The following CADM2 variants were observed in gnomAD, a reference collection of about 807,000 sequenced individuals.
The protein encoded by CADM2 is immunoglobulin superfamily member 4D.
CADM2 carries 12 observed loss-of-function variants against 49.8 expected under a neutral mutation model. That is an observed-to-expected ratio of 0.24 (90% CI 0.15 to 0.39). The LOEUF is 0.39. CADM2 is among the 10% of genes least tolerant of loss of function. The probability of loss-of-function intolerance (pLI) is 1.00; values close to 1 mark genes in which losing one functional copy is unlikely to be tolerated. For synonymous variants in CADM2, 214 were observed against 175.4 expected (o/e 1.22, Z -1.74); for missense variants, 378 against 492.3 (o/e 0.77, Z 2.20).
chr3:85,935,380 G>T (rs1356716563), intron 6 of CADM2, among the ~76,000 whole-genome samples: 1 of 152,022 alleles, frequency 6.6e-6, no homozygotes, highest in African/African-American at 2.4e-5. Context: ...AACAATGAAA[G>T]TGTTGTTATT....
chr3:85,236,544 T>G (rs139852953), intron 1 of CADM2, among the ~76,000 whole-genome samples: 2 of 152,230 alleles, frequency 1.3e-5, no homozygotes, highest in African/African-American at 4.8e-5. Flanking sequence ...ATATAGTTAT[T>G]TGCCATTTAA....
intron 1 of CADM2, among the ~76,000 whole-genome samples, chr3:85,651,393 G>C (rs1427851434): frequency 2.0e-5 from 3 of 152,068 alleles, no homozygotes; most frequent in East Asian, 3.9e-4. Context: ...AGTTTTTCCA[G>C]CTCCTAAGGA....
chr3:85,935,086 T>G (rs2108537331), intron 6 of CADM2, among the ~76,000 whole-genome samples: 1 of 152,234 alleles, frequency 6.6e-6, no homozygotes, highest in South Asian at 2.1e-4. Flanking sequence ...TATAAATGTC[T>G]TGAAGTATTC....
At chr3:85,007,529 T>G (rs993101403) in intron 1 of CADM2, among the ~76,000 whole-genome samples, 6 of 152,132 alleles carry the variant, frequency 3.9e-5, no homozygotes. Context: ...AATTTAATTG[T>G]GATAGTAATA....
intron 2 of CADM2, among the ~76,000 whole-genome samples, chr3:85,748,533 G>A (rs914953716): frequency 7.2e-5 from 11 of 152,000 alleles, no homozygotes; most frequent in Admixed American, 6.6e-5. Context: ...TAATGTCAGG[G>A]CCCTAGATGC....
Position 85,936,277 on chromosome 3 carries a change from G to A in CADM2, c.791+420G>A, listed in dbSNP as rs567977853. On this transcript the variant is annotated intron_variant, in intron 7 of 9. Transcript: ENST00000383699. ...GACTCATTTTCATAAAAGGAAAATC[G>A]AATCTATATTTCTTATGAAACACCC... 9.2e-5 allele frequency among the ~76,000 whole-genome samples: 14 copies of A among 151,796 alleles called. No individual in the cohort carries two copies. The East Asian group carries it at 1.9e-3, about 21-fold the overall frequency.
At chr3:84,987,235 C>T (rs773573789) in intron 1 of CADM2, among the ~76,000 whole-genome samples, 50 of 151,802 alleles carry the variant, frequency 3.3e-4, no homozygotes, top group Non-Finnish European at 7.4e-5. Context: ...AGTTCCATCT[C>T]CCGCAGATGC....
intron 3 of CADM2, among the ~76,000 whole-genome samples, chr3:85,819,586 A>T (rs1167013630): frequency 6.6e-6 from 1 of 152,134 alleles, no homozygotes; most frequent in Non-Finnish European, 1.5e-5. Context: ...CCTACCATCC[A>T]TTTATGGTAG....
chr3:85,459,654 T>A (rs2038151791), intron 1 of CADM2, among the ~76,000 whole-genome samples: 1 of 152,252 alleles, frequency 6.6e-6, no homozygotes, highest in Non-Finnish European at 1.5e-5. Context: ...ATGATTTTCC[T>A]TCTCTTACTA....
chr3:85,943,633 A>G (rs900722323), intron 7 of CADM2, among the ~76,000 whole-genome samples: 2 of 152,022 alleles, frequency 1.3e-5, no homozygotes, highest in African/African-American at 4.8e-5. Context: ...GCATCACGCT[A>G]CCTGACTTCA....
chr3:85,699,015 A>G (rs1474528696), intron 1 of CADM2, among the ~76,000 whole-genome samples: 1 of 152,210 alleles, frequency 6.6e-6, no homozygotes, highest in Non-Finnish European at 1.5e-5. Context: ...GCATTGGGTA[A>G]ATACTCCTTT....
intron 1 of CADM2, among the ~76,000 whole-genome samples, chr3:85,065,577 G>C (rs12487214): frequency 0.043 from 6,545 of 152,176 alleles, 166 homozygotes; most frequent in African/African-American, 0.046. Flanking sequence ...CTCACACACA[G>C]AATGCTTTCA....
chr3:85,673,285 G>A lies in CADM2; in HGVS notation c.62-53237G>A, dbSNP rs142547572. Among the ~76,000 whole-genome samples the A allele has an allele frequency of 2.2e-3, 332 of 152,156 alleles. 1 individual carries two copies. The highest frequency in any genetic ancestry group is 7.7e-3 in the African/African-American group (319 of 41,536). ...AGTGTAAGAGAAATTCACTCTATGA[G>A]CCAACAATATTCAGCTTGCAAATTC... On this transcript the variant is annotated intron_variant, in intron 1 of 9. Transcript: ENST00000383699.
chr3:85,425,296 A>C (rs2036350497), intron 1 of CADM2, among the ~76,000 whole-genome samples: 2 of 152,224 alleles, frequency 1.3e-5, no homozygotes, highest in South Asian at 4.1e-4. Context: ...GGTTAGTCAA[A>C]AGAGCTGAAG....
At chr3:85,630,167 T>TGCC (rs1338152593) in intron 1 of CADM2, among the ~76,000 whole-genome samples, 1 of 152,064 alleles carries the variant, frequency 6.6e-6, no homozygotes, top group Non-Finnish European at 1.5e-5. Flanking sequence ...CCATGCTTTT[T>TGCC]GCCACTCTAT....
intron 1 of CADM2, among the ~76,000 whole-genome samples, chr3:85,594,608 T>C (rs1459346295): frequency 6.6e-6 from 1 of 151,944 alleles, no homozygotes; most frequent in East Asian, 1.9e-4. Flanking sequence ...TACATTTGTA[T>C]TGAAGCATTC....
At chr3:85,008,783 T>A (rs964842939) in intron 1 of CADM2, among the ~76,000 whole-genome samples, 2 of 152,148 alleles carry the variant, frequency 1.3e-5, no homozygotes, top group Non-Finnish European at 2.9e-5. Context: ...ACATGGCATG[T>A]CATGTTTTAG....
intron 1 of CADM2, among the ~76,000 whole-genome samples, chr3:85,559,666 ACACAC>A (rs2062043011): frequency 1.1e-5 from 1 of 92,136 alleles, no homozygotes; most frequent in Admixed American, 1.2e-4. Context: ...ACACACACAC[ACACAC>A]ACACACACAC....
chr3:85,427,182 A>ATAT (rs939116736), intron 1 of CADM2, among the ~76,000 whole-genome samples: 2 of 80,758 alleles, frequency 2.5e-5, no homozygotes, highest in African/African-American at 6.2e-5. Flanking sequence ...ATATATATAT[A>ATAT]TATATATATA....
Sources: gnomAD v4.1 joint callset for allele counts (sites outside exome capture counted in the v4.1 genomes callset) on GRCh38, gnomAD v4.1.1 for gene constraint, MANE v1.5 for transcripts, NCBI Gene and HGNC (gene_info 2026-07-23, HGNC 2026-07-21) for gene names.